The following UGT1A8 variants were observed in gnomAD, a reference collection of about 807,000 sequenced individuals.
UGT1A8 encodes UDP-glucuronosyltransferase 1A8.
In UGT1A8, 39 loss-of-function variants were observed where a neutral mutation model predicts 45.3. The ratio of observed to expected loss-of-function variants is 0.86; its 90% confidence interval spans 0.67 to 1.12. The LOEUF (loss-of-function observed/expected upper bound fraction) is 1.12. Among genes scored for constraint, UGT1A8 ranks in the 50% most tolerant of loss-of-function variants. UGT1A8 has a pLI of 0.00. For synonymous variants in UGT1A8, 275 were observed against 249.2 expected, an observed-to-expected ratio of 1.10 and a Z score of -0.97; for missense variants, 719 against 664.9, an observed-to-expected ratio of 1.08 and a Z score of -0.90.
chr2:233,712,495 G>T (rs372173609), intron 1 of UGT1A8, among the ~76,000 whole-genome samples: 100 of 152,324 alleles, frequency 6.6e-4, no homozygotes, highest in African/African-American at 2.3e-3. Flanking sequence ...AGCTGGCTTA[G>T]CAATGTTGTC....
At chr2:233,719,108 C>T (rs2076726952) in intron 1 of UGT1A8, 1 of 1,614,264 alleles carries the variant, frequency 6.2e-7, no homozygotes, top group Non-Finnish European at 8.5e-7. Flanking sequence ...CGCTGGGCTA[C>T]ACTCAAGGGT....
Position 233,767,315 on chromosome 2 carries a change from T to C in UGT1A8, c.987+150T>C, listed in dbSNP as rs1407711365. 9 of 1,492,214 alleles carry C rather than the reference T, an allele frequency of 6.0e-6. No individual in the cohort carries two copies. The East Asian group carries it at 1.9e-4, about 32-fold the overall frequency. The allele number at this position is 1,492,214 out of a possible 1,614,324, so 92.4% of individuals were successfully genotyped here. A position where few individuals can be genotyped will look rare whatever the true frequency, so the allele number is the denominator to read the frequency against. The stretch of plus-strand genomic sequence containing the variant: ...ACTATTAATCCAAAGGTTTTTTTTG[T>C]TGTTGTGGTTGTTGTCATTGTTTTC... On this transcript the variant is annotated intron_variant, in intron 2 of 4. Coordinates refer to ENST00000373450, the MANE Select transcript of UGT1A8 (RefSeq NM_019076.5).
At chr2:233,734,584 T>C (rs1211494079) in intron 1 of UGT1A8, among the ~76,000 whole-genome samples, 1 of 152,216 alleles carries the variant, frequency 6.6e-6, no homozygotes, top group East Asian at 1.9e-4. Flanking sequence ...CTTGCTTATC[T>C]AGTTCTTTTA....
chr2:233,683,351 C>G (rs1194537365), intron 1 of UGT1A8, among the ~76,000 whole-genome samples: 1 of 152,090 alleles, frequency 6.6e-6, no homozygotes, highest in South Asian at 2.1e-4. Flanking sequence ...GTAGTCTTTA[C>G]TTTGGATGCA....
intron 1 of UGT1A8, among the ~76,000 whole-genome samples, chr2:233,671,539 A>G (rs1350775366): frequency 6.6e-6 from 1 of 152,210 alleles, no homozygotes; most frequent in Non-Finnish European, 1.5e-5. Context: ...GGTTGCCTAA[A>G]GGTAAAATCT....
chr2:233,683,153 T>C (rs955404472), intron 1 of UGT1A8, among the ~76,000 whole-genome samples: 2 of 152,170 alleles, frequency 1.3e-5, no homozygotes, highest in Non-Finnish European at 2.9e-5. Flanking sequence ...TTGTTTTCAA[T>C]TTTTTTGAAA....
At chr2:233,653,403 G>A (rs2073785298) in intron 1 of UGT1A8, among the ~76,000 whole-genome samples, 2 of 152,108 alleles carry the variant, frequency 1.3e-5, no homozygotes, top group Admixed American at 1.3e-4. Flanking sequence ...TATTCTTAAA[G>A]TAATAGGTTA....
Position 233,772,341 on chromosome 2 carries a change from G to A in UGT1A8, c.1375G>A (p.Val459Met), listed in dbSNP as rs753234232. The change falls in exon 5 of 5, where the codon GTG becomes ATG. Residue 459 changes from valine (V) to methionine (M), a missense_variant. Val to Met is a conservative substitution (Grantham distance 21, BLOSUM62 1). Coordinates refer to ENST00000373450, the MANE Select transcript of UGT1A8 (RefSeq NM_019076.5). ...GCCGCTGGACCTGGCCGTGTTCTGG[G>A]TGGAGTTTGTGATGAGGCACAAGGG... ...VEPLDLAVFW[V>M]EFVMRHKGAP... The A allele has an allele frequency of 1.9e-6, 3 of 1,614,248 alleles. No individual in the cohort carries two copies. The highest frequency in any genetic ancestry group is 4.5e-5 in the East Asian group (2 of 44,884).
intron 1 of UGT1A8, among the ~76,000 whole-genome samples, chr2:233,653,439 T>C (rs1259606288): frequency 4.6e-5 from 7 of 152,204 alleles, no homozygotes; most frequent in Non-Finnish European, 1.0e-4. Context: ...CAATATTTAT[T>C]ACTGTGGTTG....
intron 1 of UGT1A8, chr2:233,647,794 A>C: frequency 1.5e-6 from 1 of 678,326 alleles, no homozygotes; most frequent in Non-Finnish European, 2.3e-6. Flanking sequence ...CAGTCTGGGT[A>C]GAGATTTATC....
chr2:233,726,853 CAT>C (rs1443656538), intron 1 of UGT1A8, among the ~76,000 whole-genome samples: 1 of 152,180 alleles, frequency 6.6e-6, no homozygotes, highest in Non-Finnish European at 1.5e-5. Context: ...TCCTTTTCTC[CAT>C]AGTCTTCTAT....
intron 1 of UGT1A8, chr2:233,760,971 C>A (rs773436128): frequency 6.2e-7 from 1 of 1,614,154 alleles, no homozygotes; most frequent in Non-Finnish European, 8.5e-7. Context: ...TGGTTTATTC[C>A]CCGTATGCAA....
At chr2:233,639,609 T>C (rs1235635471) in intron 1 of UGT1A8, among the ~76,000 whole-genome samples, 4 of 148,682 alleles carry the variant, frequency 2.7e-5, no homozygotes, top group Admixed American at 6.6e-5. Flanking sequence ...TATGTGTTTG[T>C]GTATGTGCAG....
chr2:233,765,615 G>A (rs958268372), intron 1 of UGT1A8, among the ~76,000 whole-genome samples: 44 of 151,894 alleles, frequency 2.9e-4, no homozygotes, highest in African/African-American at 1.0e-3. Flanking sequence ...GCGGGGTGAG[G>A]GGTGAGGGGA....
chr2:233,651,319 G>A (rs1056455785), intron 1 of UGT1A8, among the ~76,000 whole-genome samples: 9 of 151,974 alleles, frequency 5.9e-5, no homozygotes, highest in South Asian at 2.1e-4. Flanking sequence ...TCCGAGATAC[G>A]GAAAGCTATG....
intron 1 of UGT1A8, among the ~76,000 whole-genome samples, chr2:233,656,577 C>T (rs1351956331): frequency 6.6e-6 from 1 of 152,168 alleles, no homozygotes; most frequent in African/African-American, 2.4e-5. Flanking sequence ...CAACTCTTGC[C>T]TGGCGTGGTT....
At chr2:233,707,504 A>G (rs1253461322) in intron 1 of UGT1A8, among the ~76,000 whole-genome samples, 1 of 148,816 alleles carries the variant, frequency 6.7e-6, no homozygotes, top group Non-Finnish European at 1.5e-5. Flanking sequence ...GGTACTTAAC[A>G]TAAATAGAAT....
chr2:233,716,467 G>A (rs376929517), intron 1 of UGT1A8, among the ~76,000 whole-genome samples: 1 of 151,558 alleles, frequency 6.6e-6, no homozygotes, highest in African/African-American at 2.4e-5. Context: ...TTTAATTTTT[G>A]TTTCTGTCCT....
At chr2:233,767,781 T>A in intron 2 of UGT1A8, 68 bp from the exon 3 acceptor site, 1 of 1,613,388 alleles carries the variant, frequency 6.2e-7, no homozygotes, top group South Asian at 1.1e-5. Flanking sequence ...TTCTAGTTAG[T>A]ATAGCAGATT....
Sources: gnomAD v4.1 joint callset for allele counts (sites outside exome capture counted in the v4.1 genomes callset) on GRCh38, gnomAD v4.1.1 for gene constraint, MANE v1.5 for transcripts, NCBI Gene and HGNC (gene_info 2026-07-23, HGNC 2026-07-21) for gene names.